Variants in OSBPL3 observed in about 807,000 individuals in gnomAD.
OSBPL3 encodes the protein oxysterol-binding protein-related protein 3.
A neutral mutation model predicts 120.1 loss-of-function variants in OSBPL3; 65 were observed. The observed-to-expected ratio is 0.54, with a 90% CI of 0.44 to 0.67. OSBPL3 has a LOEUF of 0.67. Ranked by LOEUF, OSBPL3 falls within the 30% of genes least tolerant of loss-of-function variation. The pLI is 0.00. For synonymous variants in OSBPL3, 416 were observed against 402.6 expected (o/e 1.03, Z -0.40); for missense variants, 1,004 against 1,082.1 (o/e 0.93, Z 1.01).
rs1806637800 is a variant in OSBPL3, at chr7:24,899,291, A to C, written c.-149-6670T>G. ...ATCTTCCTGGCCTCAACCACACTGC[A>C]ACTGTTAATACTGCTGGATTTGCCT... On this transcript the variant is annotated intron_variant, in intron 1 of 22. Coordinates refer to ENST00000313367, the MANE Select transcript of OSBPL3 (RefSeq NM_015550.4). This position sits in a 1 kb window ranked among gnomAD's most constrained non-coding sequence, Gnocchi z 4.0. Among the ~76,000 whole-genome samples, 1 of 152,186 alleles carries C rather than the reference A, an allele frequency of 6.6e-6. No individual in the cohort carries two copies.
At position 24,819,307 on chromosome 7, in the gene OSBPL3, C is replaced by T. The variant is rs1020616634; in HGVS notation, c.1948+868G>A. Among the ~76,000 whole-genome samples the T allele has an allele frequency of 1.3e-5, 2 of 151,038 alleles. No homozygotes were observed. The highest frequency in any genetic ancestry group is 4.9e-5 in the African/African-American group (2 of 41,056). On this transcript the variant is annotated intron_variant, in intron 17 of 22. Coordinates refer to ENST00000313367, the MANE Select transcript of OSBPL3 (RefSeq NM_015550.4). This position sits in a 1 kb window ranked among gnomAD's most constrained non-coding sequence, Gnocchi z 4.1. Reference sequence around the variant, plus strand: ...AAAAACAAAGAAGAGGTGCTTATAGCATGAGTGAGATTTACCAATTAGGAG... The same window carrying T: ...AAAAACAAAGAAGAGGTGCTTATAGTATGAGTGAGATTTACCAATTAGGAG...
At position 24,802,612 on chromosome 7, in the gene OSBPL3, T is replaced by G. The variant is rs2128095238; in HGVS notation, c.2567+1703A>C. 6.6e-6 allele frequency among the ~76,000 whole-genome samples: 1 copy of G among 152,344 alleles called. No individual in the cohort carries two copies. Among genetic ancestry groups the G allele is most frequent in the East Asian group, 1.9e-4 (1 of 5,184 alleles). On this transcript the variant is annotated intron_variant, in intron 22 of 22. Transcript: ENST00000313367. The surrounding 1 kb of genome is among the most constrained non-coding windows in gnomAD (Gnocchi z 4.1). Reference sequence around the variant, plus strand: ...TCCACAGGCTTCGTAAGGTCATCCTTAATGCCTCATGTTGGATCGAGTTGG... The same window carrying G: ...TCCACAGGCTTCGTAAGGTCATCCTGAATGCCTCATGTTGGATCGAGTTGG...
At chr7:24,850,624 A>C (rs867437472) in intron 11 of OSBPL3, among the ~76,000 whole-genome samples, 19 of 152,314 alleles carry the variant, frequency 1.2e-4, no homozygotes, top group Middle Eastern at 6.8e-3. Context: ...CTTAAGAAAA[A>C]CTGCACAAGA....
At position 24,872,497 on chromosome 7, in the gene OSBPL3, G is replaced by A. The variant is rs548296608; in HGVS notation, c.97-428C>T. On this transcript the variant is annotated intron_variant, in intron 2 of 22. Transcript: ENST00000313367. The surrounding 1 kb of genome is among the most constrained non-coding windows in gnomAD (Gnocchi z 4.1). ...TGTGTGTGTGTGTGTGGTGTTGGGG[G>A]AAGGAAGTTGGTTTAAGAATTGGCT... is the stretch of plus-strand genomic sequence containing the variant. Among the ~76,000 whole-genome samples, 27 of 143,144 alleles carry A rather than the reference G, an allele frequency of 1.9e-4. No individual in the cohort carries two copies. Among genetic ancestry groups the A allele is most frequent in the Admixed American group, 1.1e-3 (15 of 14,080 alleles). 93.9% of individuals were successfully genotyped at this position (143,144 alleles called of 152,430 possible). A position where few individuals can be genotyped will look rare whatever the true frequency, so the allele number is the denominator to read the frequency against.
intron 14 of OSBPL3, among the ~76,000 whole-genome samples, chr7:24,836,721 A>G (rs1256234737): frequency 6.6e-6 from 1 of 152,220 alleles, no homozygotes; most frequent in Non-Finnish European, 1.5e-5. Context: ...TTATAAAGCC[A>G]ATCACTGAAT....
rs920439441 is a variant in OSBPL3, at chr7:24,803,755, A to G, written c.2567+560T>C. Among the ~76,000 whole-genome samples the G allele has an allele frequency of 6.6e-6, 1 of 151,946 alleles. No homozygotes were observed. The highest frequency in any genetic ancestry group is 2.4e-5 in the African/African-American group (1 of 41,384). On this transcript the variant is annotated intron_variant, in intron 22 of 22. Transcript: ENST00000313367. This position sits in a 1 kb window ranked among gnomAD's most constrained non-coding sequence, Gnocchi z 4.2. ...CACTGCACTCCAGCCTGGGTGACAG[A>G]GCGAGACTCTGTATCAGAAAAAAAA...
intron 1 of OSBPL3, among the ~76,000 whole-genome samples, chr7:24,925,301 C>T (rs1810916782): frequency 6.6e-6 from 1 of 152,192 alleles, no homozygotes; most frequent in African/African-American, 2.4e-5. Context: ...CGGGCATGCA[C>T]ATCTGACTTT....
chr7:24,814,131 G>A (rs974941524), intron 19 of OSBPL3, among the ~76,000 whole-genome samples: 2 of 152,240 alleles, frequency 1.3e-5, no homozygotes, highest in Non-Finnish European at 2.9e-5. Context: ...GATAGGGAGT[G>A]AATGACAGGA....
intron 1 of OSBPL3, among the ~76,000 whole-genome samples, chr7:24,954,702 G>A (rs372880509): frequency 6.6e-6 from 1 of 152,304 alleles, no homozygotes; most frequent in African/African-American, 2.4e-5. Context: ...AATTAAAGAT[G>A]TGGACCCTAA....
In OSBPL3 at chr7:24,938,070, T is replaced by C. The variant is rs1194735937; in HGVS notation, c.-150+41816A>G. ...TTATCTCCAAATGGTGGCCTAAATA[T>C]ACAAGGGCTTATTTGCTATGGGCTG... On this transcript the variant is annotated intron_variant, in intron 1 of 22. Coordinates refer to ENST00000313367, the MANE Select transcript of OSBPL3 (RefSeq NM_015550.4). This position sits in a 1 kb window ranked among gnomAD's most constrained non-coding sequence, Gnocchi z 5.8. Among the ~76,000 whole-genome samples the C allele has an allele frequency of 6.6e-6, 1 of 152,204 alleles. No homozygotes were observed. The highest frequency in any genetic ancestry group is 1.5e-5 in the Non-Finnish European group (1 of 68,028).
intron 1 of OSBPL3, among the ~76,000 whole-genome samples, chr7:24,969,087 A>G (rs1432037339): frequency 6.6e-6 from 1 of 152,212 alleles, no homozygotes; most frequent in Non-Finnish European, 1.5e-5. Context: ...GGCTCGCTAC[A>G]GTTTGGACCG....
chr7:24,902,734 T>TAATAATAATAAA (rs998538835), intron 1 of OSBPL3, among the ~76,000 whole-genome samples: 3 of 147,106 alleles, frequency 2.0e-5, no homozygotes, highest in Middle Eastern at 3.6e-3. Flanking sequence ...ATAATAATAA[T>TAATAATAATAAA]AAAGAAAGGA....
rs1045552551 is a variant in OSBPL3 at position 24,972,125 on chromosome 7, C to T, written c.-150+7761G>A. 1.2e-4 allele frequency among the ~76,000 whole-genome samples: 18 copies of T among 152,282 alleles called. No homozygotes were observed. In the South Asian group the frequency reaches 1.2e-3, roughly 11 times the overall value. On this transcript the variant is annotated intron_variant, in intron 1 of 22. Transcript: ENST00000313367. This position sits in a 1 kb window ranked among gnomAD's most constrained non-coding sequence, Gnocchi z 4.3. ...GAGGACAGGTTGCTAGATATCATTGCGTTTCTGCTATAAAGGTGTTAAAAA... is the reference window on the plus strand; with the variant it reads ...GAGGACAGGTTGCTAGATATCATTGTGTTTCTGCTATAAAGGTGTTAAAAA...
chr7:24,804,169 C>A lies in OSBPL3; in HGVS notation c.2567+146G>T, dbSNP rs1792731767. 4.4e-6 allele frequency: 4 copies of A among 913,516 alleles called. No individual in the cohort carries two copies. Among genetic ancestry groups the A allele is most frequent in the African/African-American group, 1.7e-5 (1 of 60,448 alleles). 56.6% of individuals were successfully genotyped at this position (913,516 alleles called of 1,614,324 possible). A position where few individuals can be genotyped will look rare whatever the true frequency, so the allele number is the denominator to read the frequency against. ...TAAGTGCGGGGGACAGGGCCTGGCA[C>A]AGAGGAGCAGTACCCCCACGTGGAA... On this transcript the variant is annotated intron_variant, in intron 22 of 22. Coordinates refer to ENST00000313367, the MANE Select transcript of OSBPL3 (RefSeq NM_015550.4). The surrounding 1 kb of genome is among the most constrained non-coding windows in gnomAD (Gnocchi z 5.4).
rs1799338236 is a variant in OSBPL3, at chr7:24,852,872, G to A, written c.1028-238C>T. Among the ~76,000 whole-genome samples, 1 of 152,138 alleles carries A rather than the reference G, an allele frequency of 6.6e-6. No homozygotes were observed. Among genetic ancestry groups the A allele is most frequent in the African/African-American group, 2.4e-5 (1 of 41,428 alleles). ...CCACGTAGGTTCATTGACTGTAAGA[G>A]ATGCAGTACTCTGGTGTGGGATGCT... On this transcript the variant is annotated intron_variant, in intron 10 of 22. Transcript: ENST00000313367. This position sits in a 1 kb window ranked among gnomAD's most constrained non-coding sequence, Gnocchi z 4.1.
In OSBPL3 at chr7:24,815,261, A is replaced by C; in HGVS notation, c.2028-58T>G. 2 of 1,363,778 alleles carry C rather than the reference A, an allele frequency of 1.5e-6. No individual in the cohort carries two copies. The highest frequency in any genetic ancestry group is 2.4e-5 in the South Asian group (2 of 83,532). The allele number at this position is 1,363,778 out of a possible 1,614,324, so 84.5% of individuals were successfully genotyped here. ...TCTAGAAGAGCCAGCAGCAAATGCA[A>C]ACAAACTCTGCTCTTTTATAAAATA... On this transcript the variant is annotated intron_variant, in intron 18 of 22. Coordinates refer to ENST00000313367, the MANE Select transcript of OSBPL3 (RefSeq NM_015550.4). The surrounding 1 kb of genome is among the most constrained non-coding windows in gnomAD (Gnocchi z 5.1).
rs759197119 is a variant in OSBPL3, at chr7:24,852,561, C to T, written c.1101G>A (p.Gln367=). 3.7e-6 allele frequency: 6 copies of T among 1,609,298 alleles called. No homozygotes were observed. Among genetic ancestry groups the T allele is most frequent in the Admixed American group, 3.4e-5 (2 of 58,296 alleles). The change falls in exon 11 of 23, where the codon CAG becomes CAA. Residue 367 remains glutamine (Q), a synonymous_variant. Coordinates refer to ENST00000313367, the MANE Select transcript of OSBPL3 (RefSeq NM_015550.4). This position sits in a 1 kb window ranked among gnomAD's most constrained non-coding sequence, Gnocchi z 4.1. ...EREKLKQLME[Q]DASSSPSAQV... is the part of the protein sequence containing the mutation. ...GAGCAGACGGGGAGGAGGAGGCATC[C>T]TGCTCCATCAGCTGCTTCAGTTTCT...
In OSBPL3 at chr7:24,959,440, C is replaced by T. The variant is rs1170219109; in HGVS notation, c.-150+20446G>A. Among the ~76,000 whole-genome samples the T allele has an allele frequency of 2.6e-5, 4 of 152,054 alleles. No homozygotes were observed. The highest frequency in any genetic ancestry group is 9.7e-5 in the African/African-American group (4 of 41,356). On this transcript the variant is annotated intron_variant, in intron 1 of 22. Transcript: ENST00000313367. The surrounding 1 kb of genome is among the most constrained non-coding windows in gnomAD (Gnocchi z 4.3). ...ACCACACATCAAAATATGAGTGACTCTCACAGACCTAAAGCGTTAACATGA... is the reference window on the plus strand; with the variant it reads ...ACCACACATCAAAATATGAGTGACTTTCACAGACCTAAAGCGTTAACATGA...
chr7:24,870,968 T>C, intron 4 of OSBPL3, 123 bp from the exon 5 acceptor site: 1 of 694,764 alleles, frequency 1.4e-6, no homozygotes, highest in Non-Finnish European at 2.6e-6. Context: ...ATCAAGCACT[T>C]AGCGTGAGCC....
Sources: gnomAD v4.1 joint callset for allele counts (sites outside exome capture counted in the v4.1 genomes callset) on GRCh38, gnomAD v4.1.1 for gene constraint, Gnocchi (gnomAD v3.1) non-coding constraint, MANE v1.5 for transcripts, NCBI Gene and HGNC (gene_info 2026-07-23, HGNC 2026-07-21) for gene names.